Variants in WDR18 observed in about 807,000 individuals in gnomAD.
WDR18 encodes WD repeat domain 18.
A neutral mutation model predicts 49.6 loss-of-function variants in WDR18; 33 were observed. That is an observed-to-expected ratio of 0.67 (90% CI 0.50 to 0.89). The LOEUF is 0.89. Ranked by LOEUF, WDR18 falls within the 40% of genes least tolerant of loss-of-function variation. The pLI, the probability that WDR18 is intolerant of heterozygous loss-of-function variation, is 0.00. For missense variants in WDR18, 653 were observed against 593.6 expected (o/e 1.10, Z -1.04); for synonymous variants, 315 against 263.6 (o/e 1.19, Z -1.89).
intron 2 of WDR18, among the ~76,000 whole-genome samples, chr19:987,979 G>A (rs1384793365): frequency 6.6e-5 from 10 of 151,780 alleles, no homozygotes; most frequent in South Asian, 2.1e-4. Context: ...GGAGGCGCCC[G>A]CCACCATGCC....
Position 987,829 on chromosome 19 carries a change from G to GTTTTTTTTTTTTTTTTTTTT in WDR18, c.321+1858_321+1877dup, listed in dbSNP as rs71174337. Reference sequence around the variant, plus strand: ...ACCCCTGCTCCCCTAGCCGCCTCCAGTTTTTTTTTTTTTTTTTTTTTTTCA... The same window carrying GTTTTTTTTTTTTTTTTTTTT: ...ACCCCTGCTCCCCTAGCCGCCTCCAGTTTTTTTTTTTTTTTTTTTTTTTTTTTTTTTTTTTTTTTTTTTCA... On this transcript the variant is annotated intron_variant, in intron 2 of 9. Coordinates refer to ENST00000585809, the MANE Select transcript of WDR18 (RefSeq NM_024100.4). Among the ~76,000 whole-genome samples the GTTTTTTTTTTTTTTTTTTTT allele has an allele frequency of 2.4e-4, 22 of 91,804 alleles. 2 individuals are homozygous for GTTTTTTTTTTTTTTTTTTTT. Among genetic ancestry groups the GTTTTTTTTTTTTTTTTTTTT allele is most frequent in the African/African-American group, 6.9e-4 (13 of 18,930 alleles). The allele number at this position is 91,804 out of a possible 152,430, so 60.2% of individuals were successfully genotyped here.
chr19:984,334 G>A (rs957098584), upstream of WDR18: 1 of 1,574,612 alleles, frequency 6.4e-7, no homozygotes, highest in South Asian at 1.2e-5. Context: ...ACGCACGTCC[G>A]GGGCGGTGGG....
chr19:988,038 C>T (rs1039142571), intron 2 of WDR18, among the ~76,000 whole-genome samples: 5 of 151,880 alleles, frequency 3.3e-5, no homozygotes, highest in African/African-American at 9.7e-5. Flanking sequence ...CCAGGTTGGC[C>T]AGGCTGGTTT....
Position 993,993 on chromosome 19 carries a change from G to A in WDR18, c.1099-27G>A, listed in dbSNP as rs748584710. The A allele has an allele frequency of 2.2e-5, 34 of 1,548,714 alleles. No homozygotes were observed. The South Asian group carries it at 3.2e-4, about 15-fold the overall frequency. ...TGTGGTGTGTGACAGGACGCGCCCC[G>A]AGGTCACGTGGCTCCCTGTGTTACA... On this transcript the variant is annotated intron_variant, in intron 8 of 9. Coordinates refer to ENST00000585809, the MANE Select transcript of WDR18 (RefSeq NM_024100.4).
At chr19:985,285 C>T (rs1037648722) in intron 1 of WDR18, among the ~76,000 whole-genome samples, 2 of 152,190 alleles carry the variant, frequency 1.3e-5, no homozygotes, top group Admixed American at 1.3e-4. Flanking sequence ...CGGGCCTCAG[C>T]CTCCTGAGTA....
chr19:990,220 C>G lies in WDR18; in HGVS notation c.456-3C>G. The G allele has an allele frequency of 1.3e-6, 2 of 1,596,216 alleles. No individual in the cohort carries two copies. The highest frequency in any genetic ancestry group is 1.7e-6 in the Non-Finnish European group (2 of 1,178,254). ...TGCTGAGCACCTGCCCCACCCCGCT[C>G]AGCGTGCTGCAGGCCGACCCCTCCA... On this transcript the variant is annotated splice_polypyrimidine_tract_variant and splice_region_variant and intron_variant, in intron 3 of 9. Transcript: ENST00000585809.
intron 1 of WDR18, among the ~76,000 whole-genome samples, chr19:985,276 G>A: frequency 6.6e-6 from 1 of 152,022 alleles, no homozygotes; most frequent in Non-Finnish European, 1.5e-5. Context: ...AGCGATTCTC[G>A]GGCCTCAGCC....
At chr19:988,109 C>T (rs1045975954) in intron 2 of WDR18, among the ~76,000 whole-genome samples, 2 of 151,988 alleles carry the variant, frequency 1.3e-5, no homozygotes, top group Admixed American at 6.6e-5. Context: ...GGATGACAGG[C>T]GTGAGCCACT....
rs2038537719 is a variant in WDR18, at chr19:991,001, T to G, written c.741+6T>G. 6.2e-7 allele frequency: 1 copy of G among 1,604,490 alleles called. No individual in the cohort carries two copies. The highest frequency in any genetic ancestry group is 1.3e-5 in the African/African-American group (1 of 74,820). On this transcript the variant is annotated splice_donor_region_variant and intron_variant, in intron 5 of 9. Coordinates refer to ENST00000585809, the MANE Select transcript of WDR18 (RefSeq NM_024100.4). ...AGGTCGACCTCTTCACCTGGGTGAG[T>G]GCCGCGGTCTGCGGGCTGCACCCTG...
At chr19:990,062 T>C in intron 3 of WDR18, 161 bp from the exon 4 acceptor site, 2 of 1,392,544 alleles carry the variant, frequency 1.4e-6, no homozygotes, top group South Asian at 1.4e-5. Flanking sequence ...GGGGTCTGGT[T>C]TGTTCTGGGG....
At chr19:989,985 C>T in intron 3 of WDR18, 90 bp downstream of exon 3, 1 of 1,513,056 alleles carries the variant, frequency 6.6e-7, no homozygotes, top group Non-Finnish European at 8.8e-7. Context: ...CGGGAAGGGG[C>T]TTCTCTCTTG....
At chr19:986,073 C>A (rs1268152616) in intron 2 of WDR18, 98 bp downstream of exon 2, 2 of 1,164,706 alleles carry the variant, frequency 1.7e-6, no homozygotes, top group African/African-American at 1.5e-5. Context: ...GCCTGGGGCC[C>A]TGGGATGGGT....
intron 2 of WDR18, among the ~76,000 whole-genome samples, chr19:987,326 G>A (rs374215293): frequency 1.3e-3 from 199 of 152,302 alleles, no homozygotes; most frequent in African/African-American, 4.3e-3. Flanking sequence ...CTGGGTGACA[G>A]AGCAAGACCT....
intron 7 of WDR18, 96 bp from the exon 8 acceptor site, chr19:991,859 T>G (rs1599448376): frequency 4.5e-6 from 5 of 1,104,794 alleles, no homozygotes; most frequent in Non-Finnish European, 5.5e-6. Context: ...GGGGACTGGC[T>G]GGGGGCGGGG....
rs71174337 is a variant in WDR18, at chr19:987,829, GTTTTTTTT to G, written c.321+1870_321+1877del. Among the ~76,000 whole-genome samples the G allele has an allele frequency of 7.6e-3, 695 of 91,804 alleles. 15 individuals carry two copies. The highest frequency in any genetic ancestry group is 0.014 in the South Asian group (32 of 2,230). 60.2% of individuals were successfully genotyped at this position (91,804 alleles called of 152,430 possible). A position where few individuals can be genotyped will look rare whatever the true frequency, so the allele number is the denominator to read the frequency against. On this transcript the variant is annotated intron_variant, in intron 2 of 9. Transcript: ENST00000585809. ...ACCCCTGCTCCCCTAGCCGCCTCCA[GTTTTTTTT>G]TTTTTTTTTTTTTTTCAGATGAAGT...
At chr19:993,651 T>C (rs927355760) in intron 8 of WDR18, among the ~76,000 whole-genome samples, 3 of 152,198 alleles carry the variant, frequency 2.0e-5, no homozygotes, top group Non-Finnish European at 4.4e-5. Context: ...CTGGAGGTGC[T>C]CACTGTCTGT....
chr19:991,857 GCTGGGGGCGGGGACTGC>G, intron 7 of WDR18, 81 bp from the exon 8 acceptor site: 1 of 1,307,862 alleles, frequency 7.6e-7, no homozygotes, highest in Non-Finnish European at 9.8e-7. Flanking sequence ...GCGGGGACTG[GCTGGGGGCGGGGACTGC>G]CCTGGATGGG....
rs758638164 is a variant in WDR18 at position 990,223 on chromosome 19, C to T, written c.456C>T (p.Ser152=). ...DCLVLVWSLC[S]VLQADPSRIP... ...TGAGCACCTGCCCCACCCCGCTCAGCGTGCTGCAGGCCGACCCCTCCAGGA... is the reference window on the plus strand; with the variant it reads ...TGAGCACCTGCCCCACCCCGCTCAGTGTGCTGCAGGCCGACCCCTCCAGGA... The change falls in exon 4 of 10, where the codon AGC becomes AGT. Residue 152 remains serine, a splice_region_variant and synonymous_variant. Coordinates refer to ENST00000585809, the MANE Select transcript of WDR18 (RefSeq NM_024100.4). The T allele has an allele frequency of 8.8e-6, 14 of 1,596,418 alleles. No homozygotes were observed. The highest frequency in any genetic ancestry group is 1.3e-5 in the African/African-American group (1 of 74,934).
In WDR18 at chr19:991,362, C is replaced by T. The variant is rs1439777199; in HGVS notation, c.931+11C>T. 17 of 1,544,032 alleles carry T rather than the reference C, an allele frequency of 1.1e-5. No homozygotes were observed. The highest frequency in any genetic ancestry group is 1.5e-5 in the Non-Finnish European group (17 of 1,144,480). On this transcript the variant is annotated intron_variant, in intron 7 of 9. Transcript: ENST00000585809. Reference sequence around the variant, plus strand: ...CGGTGGCCCTCAAAGGTGGGCGCGCCTCTGCTCGGCCCGCGGCCAGCGCGC... The same window carrying T: ...CGGTGGCCCTCAAAGGTGGGCGCGCTTCTGCTCGGCCCGCGGCCAGCGCGC...
Sources: allele counts gnomAD v4.1 joint callset (sites outside exome capture counted in the v4.1 genomes callset), GRCh38; gene constraint gnomAD v4.1.1; transcripts MANE v1.5; gene names NCBI Gene and HGNC (gene_info 2026-07-23, HGNC 2026-07-21).